SPMAP1: variants seen among roughly 807,000 people sequenced by gnomAD.
SPMAP1 encodes the protein sperm microtubule associated protein 1, also known as uncharacterized protein C17orf98.
chr17:38,837,783 C>T, the SPMAP1 span, among the ~76,000 whole-genome samples: 2 of 152,258 alleles, frequency 1.3e-5, no homozygotes, highest in Admixed American at 1.3e-4. Context: ...TGCTGCCAGA[C>T]AGGCTGGGTT....
chr17:38,835,830 C>T, the SPMAP1 span, among the ~76,000 whole-genome samples: 1 of 152,258 alleles, frequency 6.6e-6, no homozygotes, highest in African/African-American at 2.4e-5. Context: ...AACTCTTTCC[C>T]ATTGTTGTTA....
At chr17:38,835,250 G>A in the SPMAP1 span, 1 of 1,614,238 alleles carries the variant, frequency 6.2e-7, no homozygotes, top group South Asian at 1.1e-5. Context: ...GAGGGCTGGA[G>A]TGTTCCTGCG....
the SPMAP1 span, chr17:38,841,254 G>A: frequency 1.2e-6 from 2 of 1,614,184 alleles, no homozygotes; most frequent in Non-Finnish European, 1.7e-6. Context: ...TAGTCCTGCT[G>A]CGCGTTGTAG....
chr17:38,836,585 C>CTTTTTTTTT, the SPMAP1 span, among the ~76,000 whole-genome samples: 2 of 58,430 alleles, frequency 3.4e-5, no homozygotes, highest in Non-Finnish European at 7.2e-5. Flanking sequence ...TTCTTTCTTT[C>CTTTTTTTTT]TTTTTTTTTT....
At chr17:38,839,085 CAAAAAAAAAA>C in the SPMAP1 span, among the ~76,000 whole-genome samples, 3 of 63,902 alleles carry the variant, frequency 4.7e-5, no homozygotes, top group South Asian at 6.2e-4. Flanking sequence ...GACTCTGTCT[CAAAAAAAAAA>C]AAAAAAAAAA....
chr17:38,837,677 TAAAAAAAA>T, the SPMAP1 span, among the ~76,000 whole-genome samples: 2 of 111,412 alleles, frequency 1.8e-5, no homozygotes, highest in South Asian at 2.8e-4. Context: ...AAACTCCATC[TAAAAAAAA>T]AAAAAAAGAA....
the SPMAP1 span, chr17:38,837,061 TC>T: frequency 9.8e-6 from 9 of 922,076 alleles, no homozygotes; most frequent in Non-Finnish European, 1.6e-5. Flanking sequence ...AAGGATGCAG[TC>T]CCTTTGCCTC....
chr17:38,836,862 T>C, the SPMAP1 span, among the ~76,000 whole-genome samples: 2 of 151,698 alleles, frequency 1.3e-5, no homozygotes, highest in Non-Finnish European at 2.9e-5. Context: ...CCCAAAGTGC[T>C]GGGATTACAG....
the SPMAP1 span, chr17:38,837,265 G>A: frequency 9.3e-6 from 14 of 1,503,474 alleles, no homozygotes; most frequent in Middle Eastern, 1.4e-3. Flanking sequence ...GAGAAAGTGG[G>A]CAAGAACACT....
At chr17:38,841,151 G>C in the SPMAP1 span, 2 of 1,549,416 alleles carry the variant, frequency 1.3e-6, no homozygotes, top group Non-Finnish European at 1.8e-6. Flanking sequence ...GATTTAGGGA[G>C]GTGTGTGGGG....
chr17:38,840,023 A>G, the SPMAP1 span, among the ~76,000 whole-genome samples: 1 of 152,178 alleles, frequency 6.6e-6, no homozygotes, highest in Non-Finnish European at 1.5e-5. Context: ...GTTGGGGGAA[A>G]AATTGAACCA....
chr17:38,840,272 C>G, the SPMAP1 span, among the ~76,000 whole-genome samples: 3 of 152,176 alleles, frequency 2.0e-5, no homozygotes, highest in Admixed American at 2.0e-4. Flanking sequence ...CTTTGTCTTG[C>G]TCACTGAGGT....
At chr17:38,838,176 C>A in the SPMAP1 span, among the ~76,000 whole-genome samples, 5 of 151,876 alleles carry the variant, frequency 3.3e-5, no homozygotes, top group African/African-American at 1.2e-4. Flanking sequence ...AGCCACTGTG[C>A]CTGGCTTGCT....
At chr17:38,838,383 T>C in the SPMAP1 span, among the ~76,000 whole-genome samples, 5 of 152,040 alleles carry the variant, frequency 3.3e-5, no homozygotes, top group African/African-American at 1.2e-4. Flanking sequence ...GAGGATCTCC[T>C]GAGGTCAAGA....
chr17:38,837,240 C>A, the SPMAP1 span: 1 of 1,609,894 alleles, frequency 6.2e-7, no homozygotes, highest in Non-Finnish European at 8.5e-7. Context: ...CCGCCATGAT[C>A]CTGAAAGTGG....
the SPMAP1 span, among the ~76,000 whole-genome samples, chr17:38,836,433 T>C: frequency 6.6e-6 from 1 of 151,962 alleles, no homozygotes; most frequent in East Asian, 1.9e-4. Flanking sequence ...AGACTCCATC[T>C]CCACAAAAAA....
At chr17:38,835,711 C>T in the SPMAP1 span, among the ~76,000 whole-genome samples, 10,212 of 152,246 alleles carry the variant, frequency 0.067, 734 homozygotes, top group East Asian at 0.37. Context: ...TGGATGAGAT[C>T]AAGATCAATT....
the SPMAP1 span, among the ~76,000 whole-genome samples, chr17:38,839,478 A>AAAAAG: frequency 2.0e-5 from 3 of 148,312 alleles, no homozygotes; most frequent in South Asian, 2.1e-4. Context: ...AAAAAAAAAA[A>AAAAAG]AAAAGAAAAG....
At chr17:38,836,486 A>C in the SPMAP1 span, among the ~76,000 whole-genome samples, 1 of 151,860 alleles carries the variant, frequency 6.6e-6, no homozygotes, top group Non-Finnish European at 1.5e-5. Context: ...TGTGGGCCCA[A>C]CTGCTCAGGA....
Sources: allele counts gnomAD v4.1 joint callset (sites outside exome capture counted in the v4.1 genomes callset), GRCh38; gene constraint gnomAD v4.1.1; transcripts MANE v1.5; gene names NCBI Gene and HGNC (gene_info 2026-07-23, HGNC 2026-07-21).